Variants in LRRC4C observed in about 807,000 individuals in gnomAD.
The protein encoded by LRRC4C is leucine rich repeat containing 4C.
In LRRC4C, 5 loss-of-function variants were observed where a neutral mutation model predicts 33.6. That is an observed-to-expected ratio of 0.15 (90% CI 0.08 to 0.31). LRRC4C has a LOEUF of 0.31. Among genes scored for constraint, LRRC4C ranks in the 10% least tolerant of loss-of-function variants. The probability of loss-of-function intolerance (pLI) is 1.00; values close to 1 mark genes in which losing one functional copy is unlikely to be tolerated. For missense variants in LRRC4C, 560 were observed against 796.7 expected (o/e 0.70, Z 3.58); for synonymous variants, 329 against 302.0 (o/e 1.09, Z -0.93).
chr11:41,225,087 A>C (rs1947470275), intron 1 of LRRC4C, among the ~76,000 whole-genome samples: 1 of 152,136 alleles, frequency 6.6e-6, no homozygotes, highest in African/African-American at 2.4e-5. Flanking sequence ...AACATTTTGA[A>C]CACATGAGGA....
At chr11:40,384,796 G>T (rs1949040244) in intron 3 of LRRC4C, among the ~76,000 whole-genome samples, 1 of 151,830 alleles carries the variant, frequency 6.6e-6, no homozygotes, top group African/African-American at 2.4e-5. Flanking sequence ...CTCCTGGCAG[G>T]TTTGTTATAT....
At chr11:41,124,890 A>G (rs1942661791) in intron 1 of LRRC4C, among the ~76,000 whole-genome samples, 1 of 152,204 alleles carries the variant, frequency 6.6e-6, no homozygotes, top group Non-Finnish European at 1.5e-5. Context: ...ATAATAATCA[A>G]AGAATTACAG....
intron 3 of LRRC4C, among the ~76,000 whole-genome samples, chr11:40,583,541 CCTGT>C (rs1430067055): frequency 1.3e-5 from 2 of 152,124 alleles, no homozygotes; most frequent in Admixed American, 1.3e-4. Context: ...CCATACCTTG[CCTGT>C]CTTAGTATTC....
chr11:41,057,583 A>G (rs1312364414), intron 1 of LRRC4C, among the ~76,000 whole-genome samples: 3 of 152,230 alleles, frequency 2.0e-5, no homozygotes, highest in Non-Finnish European at 2.9e-5. Flanking sequence ...CCATGGACCA[A>G]TAGGCATGCA....
intron 1 of LRRC4C, among the ~76,000 whole-genome samples, chr11:41,389,791 A>C (rs1037059747): frequency 4.6e-5 from 7 of 151,954 alleles, no homozygotes; most frequent in Middle Eastern, 3.4e-3. Context: ...CCGCTAATTA[A>C]AAGTCTGATT....
At position 41,121,179 on chromosome 11, in the gene LRRC4C, T is replaced by A. The variant is rs529110518; in HGVS notation, c.-495-187456A>T. 9.2e-5 allele frequency among the ~76,000 whole-genome samples: 14 copies of A among 152,284 alleles called. No individual in the cohort carries two copies. The South Asian group carries it at 1.2e-3, about 14-fold the overall frequency. On this transcript the variant is annotated intron_variant, in intron 1 of 6. Coordinates refer to ENST00000528697, the MANE Select transcript of LRRC4C (RefSeq NM_001258419.2). ...CATAAAGATCCTTTTTATTCAAACT[T>A]TTTTCAATTATCACTTTTTGGAGTA...
intron 4 of LRRC4C, among the ~76,000 whole-genome samples, chr11:40,288,409 C>A (rs553784278): frequency 3.3e-5 from 5 of 152,242 alleles, no homozygotes; most frequent in African/African-American, 9.6e-5. Context: ...CATAAGAATC[C>A]AATGGTTATC....
rs114604590 is a variant in LRRC4C at position 41,140,016 on chromosome 11, A to G, written c.-495-206293T>C. Among the ~76,000 whole-genome samples, 1,103 of 152,290 alleles carry G rather than the reference A, an allele frequency of 7.2e-3. 9 individuals are homozygous for G. Among genetic ancestry groups the G allele is most frequent in the African/African-American group, 0.025 (1,031 of 41,572 alleles). ...CTCATGATTTTCATGATGTTTTAGCAGAGTGAAAATAGTCCCGGTTTCAAA... is the reference window on the plus strand; with the variant it reads ...CTCATGATTTTCATGATGTTTTAGCGGAGTGAAAATAGTCCCGGTTTCAAA... On this transcript the variant is annotated intron_variant, in intron 1 of 6. Coordinates refer to ENST00000528697, the MANE Select transcript of LRRC4C (RefSeq NM_001258419.2).
chr11:40,901,696 A>C (rs1233912797), intron 2 of LRRC4C, among the ~76,000 whole-genome samples: 1 of 152,080 alleles, frequency 6.6e-6, no homozygotes, highest in Non-Finnish European at 1.5e-5. Context: ...AATAGATAGG[A>C]AGCAATACAA....
chr11:41,184,564 T>C (rs916615003), intron 1 of LRRC4C, among the ~76,000 whole-genome samples: 4 of 152,178 alleles, frequency 2.6e-5, no homozygotes, highest in African/African-American at 9.7e-5. Context: ...GACATTGTTG[T>C]TCATATCAGT....
chr11:40,127,385 T>C (rs915651039), intron 6 of LRRC4C, among the ~76,000 whole-genome samples: 1 of 152,062 alleles, frequency 6.6e-6, no homozygotes, highest in Non-Finnish European at 1.5e-5. Context: ...AGCTTACTTA[T>C]GAAAGCAGAG....
At chr11:40,950,615 A>G (rs1033268523) in intron 1 of LRRC4C, among the ~76,000 whole-genome samples, 1 of 152,072 alleles carries the variant, frequency 6.6e-6, no homozygotes, top group African/African-American at 2.4e-5. Flanking sequence ...TATGCTATAA[A>G]TTATTTATTT....
chr11:41,340,139 T>A (rs1951582345), intron 1 of LRRC4C, among the ~76,000 whole-genome samples: 1 of 152,196 alleles, frequency 6.6e-6, no homozygotes, highest in South Asian at 2.1e-4. Flanking sequence ...TCGCTCATCT[T>A]TTTTACAGAA....
chr11:41,192,489 T>C (rs1565467091), intron 1 of LRRC4C, among the ~76,000 whole-genome samples: 2 of 151,962 alleles, frequency 1.3e-5, no homozygotes, highest in Non-Finnish European at 2.9e-5. Flanking sequence ...TATATATTTG[T>C]TCAAAGAATG....
intron 5 of LRRC4C, among the ~76,000 whole-genome samples, chr11:40,219,894 G>C (rs775298049): frequency 2.0e-5 from 3 of 152,094 alleles, no homozygotes; most frequent in Non-Finnish European, 4.4e-5. Context: ...AGCTACTTTT[G>C]CCATAAAAAC....
intron 2 of LRRC4C, among the ~76,000 whole-genome samples, chr11:40,656,431 C>T (rs1012787165): frequency 6.6e-6 from 1 of 151,658 alleles, no homozygotes; most frequent in African/African-American, 2.4e-5. Flanking sequence ...ATATTTGTGT[C>T]CCTAGTATGG....
chr11:40,434,691 A>G (rs1951075596), intron 3 of LRRC4C, among the ~76,000 whole-genome samples: 1 of 152,230 alleles, frequency 6.6e-6, no homozygotes, highest in African/African-American at 2.4e-5. Context: ...GTTCTTCAGA[A>G]TTACTGTTGA....
intron 2 of LRRC4C, among the ~76,000 whole-genome samples, chr11:40,929,803 G>A (rs1220990595): frequency 6.6e-6 from 1 of 152,072 alleles, no homozygotes; most frequent in Non-Finnish European, 1.5e-5. Flanking sequence ...TGAAAGAAAA[G>A]AGCAAATGTT....
chr11:41,184,254 C>CA (rs1565459484), intron 1 of LRRC4C, among the ~76,000 whole-genome samples: 5 of 148,880 alleles, frequency 3.4e-5, no homozygotes, highest in Non-Finnish European at 6.0e-5. Flanking sequence ...TCAGAAAATG[C>CA]GTTTTTTTTT....
Sources: gnomAD v4.1 joint callset for allele counts (sites outside exome capture counted in the v4.1 genomes callset) on GRCh38, gnomAD v4.1.1 for gene constraint, MANE v1.5 for transcripts, NCBI Gene and HGNC (gene_info 2026-07-23, HGNC 2026-07-21) for gene names.